CNRIP1: variants seen among roughly 807,000 people sequenced by gnomAD.
CNRIP1 encodes cannabinoid receptor interacting protein 1, also known as CB1 cannabinoid receptor-interacting protein 1.
A neutral mutation model predicts 15.2 loss-of-function variants in CNRIP1; 10 were observed. The ratio of observed to expected loss-of-function variants is 0.66; its 90% CI spans 0.41 to 1.12. The LOEUF is 1.12. Ranked by LOEUF, CNRIP1 falls within the 50% of genes most tolerant of loss-of-function variation. The probability of loss-of-function intolerance (pLI) is 0.00; values close to 1 mark genes in which losing one functional copy is unlikely to be tolerated. For synonymous variants in CNRIP1, 91 were observed against 83.2 expected (o/e 1.09, Z -0.51); for missense variants, 211 against 214.7 (o/e 0.98, Z 0.11).
intron 2 of CNRIP1, among the ~76,000 whole-genome samples, chr2:68,311,986 T>G (rs191769694): frequency 6.6e-6 from 1 of 152,014 alleles, no homozygotes; most frequent in Non-Finnish European, 1.5e-5. Flanking sequence ...ATTAACGAAA[T>G]TGAATTTGTA....
chr2:68,293,637 C>G lies in CNRIP1; in HGVS notation c.*225G>C. ...ACAACTGGATGCAGGAACATCAGCACAAAATACAGATGGGAATATTCTCGG... is the reference window on the plus strand; with the variant it reads ...ACAACTGGATGCAGGAACATCAGCAGAAAATACAGATGGGAATATTCTCGG... On this transcript the variant is annotated 3_prime_UTR_variant, in exon 3 of 3. Transcript: ENST00000263655. The G allele has an allele frequency of 5.7e-6, 7 of 1,228,642 alleles. No individual in the cohort carries two copies. The highest frequency in any genetic ancestry group is 7.2e-6 in the Non-Finnish European group (7 of 975,594). 76.1% of individuals were successfully genotyped at this position (1,228,642 alleles called of 1,614,324 possible).
intron 2 of CNRIP1, among the ~76,000 whole-genome samples, chr2:68,297,060 C>A (rs528361112): frequency 6.6e-6 from 1 of 152,252 alleles, no homozygotes; most frequent in East Asian, 1.9e-4. Flanking sequence ...AACCACTGCA[C>A]CTAGCAGATT....
At chr2:68,318,123 T>C (rs980893997) in intron 1 of CNRIP1, among the ~76,000 whole-genome samples, 2 of 151,198 alleles carry the variant, frequency 1.3e-5, no homozygotes, top group South Asian at 4.2e-4. Context: ...CACTGGGAAA[T>C]GTGAGAATAA....
intron 2 of CNRIP1, among the ~76,000 whole-genome samples, chr2:68,308,443 A>G (rs1457775817): frequency 6.6e-6 from 1 of 151,952 alleles, no homozygotes; most frequent in African/African-American, 2.4e-5. Context: ...CTCACTTTAT[A>G]CTGTGTAGAG....
intron 2 of CNRIP1, among the ~76,000 whole-genome samples, chr2:68,287,932 C>T (rs1671070354): frequency 6.6e-6 from 1 of 152,222 alleles, no homozygotes; most frequent in Non-Finnish European, 1.5e-5. Context: ...GAAGCAATGT[C>T]AGTAAAAGAA....
At chr2:68,286,033 C>T (rs1306248061) in intron 2 of CNRIP1, among the ~76,000 whole-genome samples, 5 of 152,142 alleles carry the variant, frequency 3.3e-5, no homozygotes, top group Admixed American at 1.3e-4. Flanking sequence ...GACAAATTCC[C>T]ATTACCTATA....
At chr2:68,305,767 G>C (rs937031035) in intron 2 of CNRIP1, among the ~76,000 whole-genome samples, 3 of 143,554 alleles carry the variant, frequency 2.1e-5, no homozygotes, top group African/African-American at 7.8e-5. Flanking sequence ...CTGCACTGCA[G>C]CCTGGGCGTC....
chr2:68,289,849 A>G (rs753297037), downstream of CNRIP1, among the ~76,000 whole-genome samples: 2 of 152,114 alleles, frequency 1.3e-5, no homozygotes, highest in Non-Finnish European at 2.9e-5. Context: ...TGAAGGTTTA[A>G]TGTACATTAA....
intron 2 of CNRIP1, among the ~76,000 whole-genome samples, chr2:68,299,817 A>G (rs1671538916): frequency 2.0e-5 from 3 of 152,186 alleles, no homozygotes; most frequent in Admixed American, 1.3e-4. Context: ...GTTTTAAACA[A>G]TTTTGGTGGT....
chr2:68,318,256 G>C (rs1284212481), intron 1 of CNRIP1, among the ~76,000 whole-genome samples: 2 of 152,114 alleles, frequency 1.3e-5, no homozygotes, highest in Non-Finnish European at 2.9e-5. Context: ...GAATTAAAAC[G>C]TAAGCTATAA....
intron 2 of CNRIP1, among the ~76,000 whole-genome samples, chr2:68,287,544 CA>C (rs1671060757): frequency 1.3e-5 from 2 of 152,196 alleles, no homozygotes; most frequent in Non-Finnish European, 2.9e-5. Flanking sequence ...ATGGGTCCAA[CA>C]AAAGGTGGCT....
At chr2:68,295,498 A>C (rs1464008936) in intron 2 of CNRIP1, among the ~76,000 whole-genome samples, 2 of 152,224 alleles carry the variant, frequency 1.3e-5, no homozygotes, top group African/African-American at 2.4e-5. Flanking sequence ...GTTGGAATTG[A>C]CCCAAATGTT....
At position 68,319,426 on chromosome 2, in the gene CNRIP1, G is replaced by A; in HGVS notation, c.-26C>T. The A allele has an allele frequency of 1.3e-6, 2 of 1,505,740 alleles. No individual in the cohort carries two copies. The highest frequency in any genetic ancestry group is 1.8e-6 in the Non-Finnish European group (2 of 1,128,576). The allele number at this position is 1,505,740 out of a possible 1,614,324, so 93.3% of individuals were successfully genotyped here. ...GTCTGGGCGAGGGTCTGGCGCGGCG[G>A]CTCCGGGGGGCGGAGGACAGCGCCG... On this transcript the variant is annotated 5_prime_UTR_variant, in exon 1 of 3. Transcript: ENST00000263655.
chr2:68,304,710 T>C (rs1671746017), intron 2 of CNRIP1, among the ~76,000 whole-genome samples: 1 of 151,432 alleles, frequency 6.6e-6, no homozygotes. Context: ...AAGCTCCGCC[T>C]CCAAGGTTCA....
downstream of CNRIP1, chr2:68,292,959 G>T (rs1254257172): frequency 7.6e-6 from 7 of 917,566 alleles, no homozygotes; most frequent in African/African-American, 1.8e-5. Flanking sequence ...CTAGAGCAGG[G>T]ATTCACCTGC....
chr2:68,305,259 A>AAAAT (rs1267101468), intron 2 of CNRIP1, among the ~76,000 whole-genome samples: 15 of 100,364 alleles, frequency 1.5e-4, no homozygotes, highest in African/African-American at 5.5e-4. Flanking sequence ...AAAAAAAAAA[A>AAAAT]ATATATATAT....
intron 2 of CNRIP1, among the ~76,000 whole-genome samples, chr2:68,303,434 C>G (rs1671693080): frequency 6.6e-6 from 1 of 152,190 alleles, no homozygotes; most frequent in African/African-American, 2.4e-5. Flanking sequence ...CAACTCCTCT[C>G]TGGAGCTGAC....
At chr2:68,310,131 C>T (rs866228686) in intron 2 of CNRIP1, among the ~76,000 whole-genome samples, 2 of 152,090 alleles carry the variant, frequency 1.3e-5, no homozygotes, top group African/African-American at 2.4e-5. Flanking sequence ...AGTTCGAGAC[C>T]AGCGTGGCCA....
chr2:68,301,402 T>C (rs1232391470), intron 2 of CNRIP1, among the ~76,000 whole-genome samples: 2 of 152,286 alleles, frequency 1.3e-5, no homozygotes, highest in East Asian at 3.9e-4. Flanking sequence ...AAAAAACCTA[T>C]AGCTAACTTT....
Sources: allele counts gnomAD v4.1 joint callset (sites outside exome capture counted in the v4.1 genomes callset), GRCh38; gene constraint gnomAD v4.1.1; transcripts MANE v1.5; gene names NCBI Gene and HGNC (gene_info 2026-07-23, HGNC 2026-07-21).